ITGA4: variants seen among roughly 807,000 people sequenced by gnomAD.
The protein encoded by ITGA4 is integrin subunit alpha 4.
A neutral mutation model predicts 133.6 loss-of-function variants in ITGA4; 63 were observed. The ratio of observed to expected loss-of-function variants is 0.47; its 90% CI spans 0.38 to 0.58. The LOEUF is 0.58. ITGA4 is among the 20% of genes least tolerant of loss of function. The pLI is 0.00. For synonymous variants in ITGA4, 483 were observed against 438.0 expected (o/e 1.10, Z -1.28); for missense variants, 1,076 against 1,252.7 (o/e 0.86, Z 2.13).
In ITGA4 at chr2:181,495,963, C is replaced by T. The variant is rs1430849007; in HGVS notation, c.1540+26C>T. 1 of 1,606,666 alleles carries T rather than the reference C, an allele frequency of 6.2e-7. No individual in the cohort carries two copies. ...GTGGGTATGCCCTACAATATTAATGCTTGATGGGGTGCGGTTCATTCATTA... is the reference window on the plus strand; with the variant it reads ...GTGGGTATGCCCTACAATATTAATGTTTGATGGGGTGCGGTTCATTCATTA... On this transcript the variant is annotated intron_variant, in intron 14 of 27. Transcript: ENST00000397033. This position sits in a 1 kb window ranked among gnomAD's most constrained non-coding sequence, Gnocchi z 4.3.
At chr2:181,508,832 A>G (rs1193032107) in intron 15 of ITGA4, among the ~76,000 whole-genome samples, 1 of 152,108 alleles carries the variant, frequency 6.6e-6, no homozygotes, top group Non-Finnish European at 1.5e-5. Flanking sequence ...TAGAAAAGAT[A>G]ATAGAAAAGT....
chr2:181,508,869 A>G (rs538604933), intron 15 of ITGA4, among the ~76,000 whole-genome samples: 5 of 151,690 alleles, frequency 3.3e-5, no homozygotes, highest in African/African-American at 1.2e-4. Flanking sequence ...AGGGCTGGGT[A>G]TGGTGGCTCA....
chr2:181,503,145 A>C (rs1222294249), intron 15 of ITGA4, among the ~76,000 whole-genome samples: 2 of 152,122 alleles, frequency 1.3e-5, no homozygotes, highest in Non-Finnish European at 2.9e-5. Flanking sequence ...AGTGAGGAAA[A>C]GATTGAATTT....
chr2:181,480,124 T>TG lies in ITGA4; in HGVS notation c.625-13_625-12insG, dbSNP rs1221265409. 6.5e-7 allele frequency: 1 copy of TG among 1,542,188 alleles called. No individual in the cohort carries two copies. Among genetic ancestry groups the TG allele is most frequent in the Admixed American group, 2.3e-5 (1 of 44,400 alleles). On this transcript the variant is annotated splice_polypyrimidine_tract_variant and intron_variant, in intron 5 of 27. Transcript: ENST00000397033. ...TTAAAGTTTAAATAATAATAGTTTT[T>TG]TTTTTCTTACAGGATTTAATTGTGA... is the stretch of plus-strand genomic sequence containing the variant.
rs758447335 is a variant in ITGA4, at chr2:181,516,214, A to T, written c.1922+4439A>T. Among the ~76,000 whole-genome samples the T allele has an allele frequency of 6.6e-6, 1 of 152,074 alleles. No homozygotes were observed. The highest frequency in any genetic ancestry group is 1.5e-5 in the Non-Finnish European group (1 of 67,980). On this transcript the variant is annotated intron_variant, in intron 17 of 27. Transcript: ENST00000397033. The surrounding 1 kb of genome is among the most constrained non-coding windows in gnomAD (Gnocchi z 4.0). ...ATACCGCAATACATTTCTGCACCTCAGTTGTGCTTCCAGAATGAGTGATGT... is the reference window on the plus strand; with the variant it reads ...ATACCGCAATACATTTCTGCACCTCTGTTGTGCTTCCAGAATGAGTGATGT...
chr2:181,464,164 A>G (rs1685356624), intron 2 of ITGA4, among the ~76,000 whole-genome samples: 1 of 152,120 alleles, frequency 6.6e-6, no homozygotes, highest in Non-Finnish European at 1.5e-5. Context: ...AACCTGATTA[A>G]AGGAAGAGAG....
rs370308376 is a variant in ITGA4 at position 181,487,672 on chromosome 2, G to A, written c.1153+1680G>A. On this transcript the variant is annotated intron_variant, in intron 10 of 27. Transcript: ENST00000397033. ...TGATGTTACATCTCATAAGTAACCA[G>A]CAATTCTGTGATATTTATTGAACAT... 2.0e-5 allele frequency among the ~76,000 whole-genome samples: 3 copies of A among 152,182 alleles called. No homozygotes were observed. The East Asian group carries it at 5.8e-4, about 29-fold the overall frequency.
At position 181,531,766 on chromosome 2, in the gene ITGA4, T is replaced by C. The variant is rs1686949743; in HGVS notation, c.2774T>C (p.Ile925Thr). The C allele has an allele frequency of 1.9e-6, 3 of 1,595,708 alleles. No homozygotes were observed. The highest frequency in any genetic ancestry group is 2.6e-6 in the Non-Finnish European group (3 of 1,173,550). The change falls in exon 25 of 28, where the codon ATT (isoleucine) becomes ACT (threonine). Residue 925 changes from isoleucine (I) to threonine (T), a missense_variant. This residue lies in a region of ITGA4 where 193 missense variants were observed against 172.3 expected (regional missense o/e 1.12). Transcript: ENST00000397033. Reference sequence around the variant, plus strand: ...ATCCAACTGGAAGGCCGGCCATCCATTTTAGAAATGGTAAGTAAGTCTAAA... The same window carrying C: ...ATCCAACTGGAAGGCCGGCCATCCACTTTAGAAATGGTAAGTAAGTCTAAA... The part of the protein sequence containing the change: ...VHIQLEGRPS[I>T]LEMDETSALK...
At chr2:181,521,237 T>C (rs1358770660) in intron 17 of ITGA4, among the ~76,000 whole-genome samples, 2 of 152,178 alleles carry the variant, frequency 1.3e-5, no homozygotes, top group Non-Finnish European at 2.9e-5. Context: ...AATGACATAC[T>C]GTATTGGAAA....
intron 2 of ITGA4, among the ~76,000 whole-genome samples, chr2:181,472,537 G>C (rs1685579358): frequency 6.6e-6 from 1 of 152,120 alleles, no homozygotes; most frequent in Admixed American, 6.5e-5. Flanking sequence ...AGTATTTTCA[G>C]AGGGAACTTA....
chr2:181,461,443 C>T (rs777372209), intron 2 of ITGA4, among the ~76,000 whole-genome samples: 6 of 151,692 alleles, frequency 4.0e-5, no homozygotes, highest in Non-Finnish European at 8.8e-5. Context: ...CAGACTTGCT[C>T]GTGAAGACTA....
rs1559056789 is a variant in ITGA4 at position 181,526,820 on chromosome 2, C to CTTTTT, written c.2340-477_2340-476insTTTTT. On this transcript the variant is annotated intron_variant, in intron 21 of 27. Coordinates refer to ENST00000397033, the MANE Select transcript of ITGA4 (RefSeq NM_000885.6). ...TTGTCACCCAGGTCAGAGCACATGG[C>CTTTTT]CTTTTTTTTTTTTTTTTTTTTTTTT... Among the ~76,000 whole-genome samples, 4 of 27,876 alleles carry CTTTTT rather than the reference C, an allele frequency of 1.4e-4. No homozygotes were observed. In the East Asian group the frequency reaches 3.1e-3, roughly 22 times the overall value. 18.3% of individuals were successfully genotyped at this position (27,876 alleles called of 152,430 possible). A position where few individuals can be genotyped will look rare whatever the true frequency, so the allele number is the denominator to read the frequency against.
intron 17 of ITGA4, among the ~76,000 whole-genome samples, chr2:181,521,390 A>G (rs1479116852): frequency 6.6e-6 from 1 of 152,210 alleles, no homozygotes; most frequent in African/African-American, 2.4e-5. Flanking sequence ...TTCATATTTA[A>G]AATATTTTAA....
chr2:181,486,920 CT>C (rs1255409298), intron 10 of ITGA4, among the ~76,000 whole-genome samples: 1 of 152,070 alleles, frequency 6.6e-6, no homozygotes, highest in Non-Finnish European at 1.5e-5. Flanking sequence ...TGCTGGGGTA[CT>C]ATAAATTCTC....
Position 181,530,610 on chromosome 2 carries a change from C to T in ITGA4, c.2625C>T (p.Gly875=), listed in dbSNP as rs757136604. 7 of 1,613,152 alleles carry T rather than the reference C, an allele frequency of 4.3e-6. No homozygotes were observed. In the Admixed American group the frequency reaches 5.0e-5, roughly 12 times the overall value. The change falls in exon 24 of 28, where the codon GGC becomes GGT. Residue 875 remains glycine (G), a synonymous_variant. Coordinates refer to ENST00000397033, the MANE Select transcript of ITGA4 (RefSeq NM_000885.6). The stretch of plus-strand genomic sequence containing the variant: ...AGAGTGCAATGCAGACCTTGAAAGG[C>T]ATAGTCCGGTTCTTGTCCAAGACTG... ...QQKSAMQTLK[G]IVRFLSKTDK... is the part of the protein sequence containing the mutation.
chr2:181,508,678 A>C (rs1277929735), intron 15 of ITGA4, among the ~76,000 whole-genome samples: 1 of 151,826 alleles, frequency 6.6e-6, no homozygotes, highest in Non-Finnish European at 1.5e-5. Context: ...CCTGGGTGAC[A>C]GAGCAAGACT....
intron 2 of ITGA4, among the ~76,000 whole-genome samples, chr2:181,471,722 A>G (rs1255166965): frequency 7.9e-5 from 12 of 152,230 alleles, no homozygotes; most frequent in Admixed American, 7.2e-4. Flanking sequence ...CACCTGCCAT[A>G]TGTTTTTCTA....
At chr2:181,481,040 C>A (rs1330878475) in intron 6 of ITGA4, among the ~76,000 whole-genome samples, 1 of 152,110 alleles carries the variant, frequency 6.6e-6, no homozygotes, top group Non-Finnish European at 1.5e-5. Flanking sequence ...AGCACTCTTT[C>A]TTTCTATTCA....
chr2:181,472,584 T>C (rs1447951612), intron 2 of ITGA4, among the ~76,000 whole-genome samples: 1 of 152,250 alleles, frequency 6.6e-6, no homozygotes, highest in East Asian at 1.9e-4. Context: ...AGGAACTTCA[T>C]GTAGACTGAA....
Sources: allele counts gnomAD v4.1 joint callset (sites outside exome capture counted in the v4.1 genomes callset), GRCh38; gene constraint gnomAD v4.1.1; regional missense constraint gnomAD v4.1.1; non-coding constraint Gnocchi (gnomAD v3.1); transcripts MANE v1.5; gene names NCBI Gene and HGNC (gene_info 2026-07-23, HGNC 2026-07-21).